Variants in SHISA9 observed in about 807,000 individuals in gnomAD.
The protein encoded by SHISA9 is protein shisa-9.
In SHISA9, 13 loss-of-function variants were observed where a neutral mutation model predicts 38.0. That is an observed-to-expected ratio of 0.34 (90% CI 0.22 to 0.54). The LOEUF (loss-of-function observed/expected upper bound fraction) is 0.54. Among genes scored for constraint, SHISA9 ranks in the 20% least tolerant of loss-of-function variants. The probability of loss-of-function intolerance (pLI) is 0.91; values close to 1 mark genes in which losing one functional copy is unlikely to be tolerated. For synonymous variants in SHISA9, 275 were observed against 242.0 expected, an observed-to-expected ratio of 1.14 and a Z score of -1.27; for missense variants, 538 against 575.8, an observed-to-expected ratio of 0.93 and a Z score of 0.67.
At chr16:13,074,536 C>T (rs4781397) in intron 2 of SHISA9, among the ~76,000 whole-genome samples, 9,168 of 152,214 alleles carry the variant, frequency 0.06, 413 homozygotes, top group Admixed American at 0.14. Flanking sequence ...TTTTGTCTCT[C>T]TGCAGTCTGG....
chr16:13,036,179 C>G (rs1414719233), intron 2 of SHISA9, among the ~76,000 whole-genome samples: 1 of 152,306 alleles, frequency 6.6e-6, no homozygotes, highest in East Asian at 1.9e-4. Flanking sequence ...CGCACAAAGT[C>G]TTGTATACTA....
intron 2 of SHISA9, among the ~76,000 whole-genome samples, chr16:13,070,181 A>G (rs1038806495): frequency 2.6e-5 from 4 of 151,492 alleles, no homozygotes; most frequent in African/African-American, 9.7e-5. Flanking sequence ...GAAACTGCCA[A>G]AGAAGACATG....
chr16:13,163,755 T>C (rs945691715), intron 2 of SHISA9, among the ~76,000 whole-genome samples: 9 of 152,256 alleles, frequency 5.9e-5, no homozygotes, highest in South Asian at 2.1e-4. Flanking sequence ...GTTGCTATTG[T>C]AAATGGTATT....
At chr16:13,045,352 C>T (rs1413343115) in intron 2 of SHISA9, among the ~76,000 whole-genome samples, 2 of 152,132 alleles carry the variant, frequency 1.3e-5, no homozygotes, top group Non-Finnish European at 2.9e-5. Context: ...CAGTTTATGG[C>T]AGAGCAAGGA....
chr16:13,083,530 A>T (rs1382439187), intron 2 of SHISA9, among the ~76,000 whole-genome samples: 1 of 152,166 alleles, frequency 6.6e-6, no homozygotes, highest in Non-Finnish European at 1.5e-5. Context: ...CTCAGCAAGG[A>T]TGTGGCAGGG....
chr16:13,141,977 C>T (rs924901756), intron 2 of SHISA9, among the ~76,000 whole-genome samples: 1 of 152,184 alleles, frequency 6.6e-6, no homozygotes, highest in Non-Finnish European at 1.5e-5. Context: ...ATCTGTAGAT[C>T]TTCCATGCTG....
chr16:13,454,120 G>A, the SHISA9 span, among the ~76,000 whole-genome samples: 1 of 152,190 alleles, frequency 6.6e-6, no homozygotes, highest in African/African-American at 2.4e-5. Context: ...CTAGCTGTAA[G>A]GAGATGAGAG....
chr16:13,143,119 G>A (rs2050416743), intron 2 of SHISA9, among the ~76,000 whole-genome samples: 1 of 151,902 alleles, frequency 6.6e-6, no homozygotes. Context: ...CAATTCTCCT[G>A]CCTCAGGCTC....
intron 2 of SHISA9, among the ~76,000 whole-genome samples, chr16:12,977,655 A>C (rs1169608777): frequency 1.3e-5 from 2 of 152,204 alleles, no homozygotes; most frequent in Non-Finnish European, 2.9e-5. Context: ...GAATGAGATC[A>C]TGTCTTTTGC....
At chr16:13,006,882 T>G (rs1291058332) in intron 2 of SHISA9, among the ~76,000 whole-genome samples, 1 of 152,162 alleles carries the variant, frequency 6.6e-6, no homozygotes, top group Non-Finnish European at 1.5e-5. Context: ...GCTGTTTCTC[T>G]TCAACCTCTC....
At chr16:13,045,251 T>G in intron 2 of SHISA9, among the ~76,000 whole-genome samples, 1 of 152,344 alleles carries the variant, frequency 6.6e-6, no homozygotes, top group South Asian at 2.1e-4. Flanking sequence ...TCTAAGTAGC[T>G]CACACATATT....
intron 2 of SHISA9, among the ~76,000 whole-genome samples, chr16:13,087,948 G>GT (rs1254691106): frequency 6.6e-6 from 1 of 152,134 alleles, no homozygotes; most frequent in Non-Finnish European, 1.5e-5. Flanking sequence ...GATTTTTATG[G>GT]TTTTAGGTCT....
chr16:12,908,961 A>AC, intron 1 of SHISA9: 1 of 998,640 alleles, frequency 1.0e-6, no homozygotes, highest in Non-Finnish European at 1.2e-6. Flanking sequence ...AAGAACTGGC[A>AC]CCCCTTGGAA....
chr16:13,000,634 G>T (rs1336593931), intron 2 of SHISA9, among the ~76,000 whole-genome samples: 1 of 152,134 alleles, frequency 6.6e-6, no homozygotes, highest in Non-Finnish European at 1.5e-5. Flanking sequence ...CAGGCAGAAG[G>T]GGTCCCCAGG....
At chr16:13,480,207 A>G in the SHISA9 span, among the ~76,000 whole-genome samples, 1 of 152,162 alleles carries the variant, frequency 6.6e-6, no homozygotes, top group Admixed American at 6.5e-5. Context: ...CATGCAGAGA[A>G]AACAAGGCTT....
At chr16:12,928,931 G>C (rs895698854) in intron 2 of SHISA9, among the ~76,000 whole-genome samples, 3 of 152,184 alleles carry the variant, frequency 2.0e-5, no homozygotes, top group Admixed American at 6.6e-5. Context: ...CTGCTAATCA[G>C]CTTAGAAGTG....
chr16:13,161,300 C>T (rs1418215566), intron 2 of SHISA9, among the ~76,000 whole-genome samples: 1 of 151,996 alleles, frequency 6.6e-6, no homozygotes, highest in Non-Finnish European at 1.5e-5. Flanking sequence ...GGATATCTTT[C>T]CCCCCTGCTT....
intron 2 of SHISA9, among the ~76,000 whole-genome samples, chr16:13,033,886 C>T (rs1055499505): frequency 6.6e-6 from 1 of 152,232 alleles, no homozygotes; most frequent in Admixed American, 6.5e-5. Context: ...TGGCTCACGC[C>T]TGTAATTCTA....
intron 2 of SHISA9, among the ~76,000 whole-genome samples, chr16:13,140,213 G>C (rs1489056837): frequency 1.4e-5 from 2 of 139,158 alleles, no homozygotes; most frequent in South Asian, 2.5e-4. Context: ...GTCTTGCTCT[G>C]TTACCCAGGC....
Sources: allele counts gnomAD v4.1 joint callset (sites outside exome capture counted in the v4.1 genomes callset), GRCh38; gene constraint gnomAD v4.1.1; transcripts MANE v1.5; gene names NCBI Gene and HGNC (gene_info 2026-07-23, HGNC 2026-07-21).